The following PCDHGB5 variants were observed in gnomAD, a reference collection of about 807,000 sequenced individuals.
The protein encoded by PCDHGB5 is protocadherin gamma-B5.
PCDHGB5 carries 48 observed loss-of-function variants against 62.9 expected under a neutral mutation model. The ratio of observed to expected loss-of-function variants is 0.76; its 90% CI spans 0.61 to 0.97. The LOEUF is 0.97. Among genes scored for constraint, PCDHGB5 ranks in the 50% least tolerant of loss-of-function variants. The pLI, the probability that PCDHGB5 is intolerant of heterozygous loss-of-function variation, is 0.00. For synonymous variants in PCDHGB5, 474 were observed against 511.2 expected, an observed-to-expected ratio of 0.93 and a Z score of 0.98; for missense variants, 1,118 against 1,198.6, an observed-to-expected ratio of 0.93 and a Z score of 0.99.
chr5:141,402,918 A>C (rs766546022), intron 1 of PCDHGB5: 55 of 1,569,938 alleles, frequency 3.5e-5, no homozygotes, highest in Non-Finnish European at 4.7e-5. Flanking sequence ...GCGCGCACAG[A>C]GATCCTTTTG....
intron 1 of PCDHGB5, chr5:141,441,728 G>T: frequency 2.8e-6 from 1 of 361,966 alleles, no homozygotes. Flanking sequence ...CCCGCGACCA[G>T]GACTAGCTCG....
intron 1 of PCDHGB5, among the ~76,000 whole-genome samples, chr5:141,483,644 G>A (rs2099584188): frequency 6.8e-6 from 1 of 146,522 alleles, no homozygotes; most frequent in African/African-American, 2.7e-5. Context: ...AGAGGGGTGT[G>A]TGTTTGTGTG....
At position 141,398,691 on chromosome 5, in the gene PCDHGB5, T is replaced by C; in HGVS notation, c.564T>C (p.Gly188=). The change falls in exon 1 of 4, where the codon GGT becomes GGC. Residue 188 remains glycine (G), a synonymous_variant. Coordinates refer to ENST00000617380, the MANE Select transcript of PCDHGB5 (RefSeq NM_018925.3). ...TAATAATTAAGGAGAAACAGGATGGTAGTAAATACCCGGAACTGGCACTGG... is the reference window on the plus strand; with the variant it reads ...TAATAATTAAGGAGAAACAGGATGGCAGTAAATACCCGGAACTGGCACTGG... The part of the protein sequence containing the change: ...FSLIIKEKQD[G]SKYPELALEK... 6.2e-7 allele frequency: 1 copy of C among 1,613,876 alleles called. No individual in the cohort carries two copies. The highest frequency in any genetic ancestry group is 8.5e-7 in the Non-Finnish European group (1 of 1,179,886).
At position 141,403,830 on chromosome 5, in the gene PCDHGB5, A is replaced by G. The variant is rs763794433; in HGVS notation, c.2397+3306A>G. On this transcript the variant is annotated intron_variant, in intron 1 of 3. Coordinates refer to ENST00000617380, the MANE Select transcript of PCDHGB5 (RefSeq NM_018925.3). ...AATGAAAAACAATCTCTGCTATTCC[A>G]GCTTAATGAAAATACTGGGGAAATA... The G allele has an allele frequency of 3.7e-6, 6 of 1,613,754 alleles. No individual in the cohort carries two copies. In the Admixed American group the frequency reaches 5.0e-5, roughly 13 times the overall value.
At chr5:141,403,236 T>G in intron 1 of PCDHGB5, 1 of 1,613,908 alleles carries the variant, frequency 6.2e-7, no homozygotes, top group South Asian at 1.1e-5. Flanking sequence ...CGGGAGGAGC[T>G]CTGTGCTCAG....
At chr5:141,420,651 T>A (rs1357679146) in intron 1 of PCDHGB5, among the ~76,000 whole-genome samples, 1 of 152,274 alleles carries the variant, frequency 6.6e-6, no homozygotes, top group East Asian at 1.9e-4. Flanking sequence ...GTAAGAATTA[T>A]AGTTAGGCAT....
chr5:141,475,616 G>A (rs2099366026), intron 1 of PCDHGB5, among the ~76,000 whole-genome samples: 1 of 152,206 alleles, frequency 6.6e-6, no homozygotes, highest in Admixed American at 6.5e-5. Flanking sequence ...GTAGTTTTCG[G>A]TTTGGTTCGA....
Position 141,491,906 on chromosome 5 carries a change from T to A in PCDHGB5, c.2398-2901T>A, listed in dbSNP as rs1490050332. On this transcript the variant is annotated intron_variant, in intron 1 of 3. Transcript: ENST00000617380. The surrounding 1 kb of genome is among the most constrained non-coding windows in gnomAD (Gnocchi z 6.9). ...ATGGGGCTCCGAGCACCGGGGGTGG[T>A]GGCGACTGTGGGCGAGGGGAGGTGG... is the stretch of plus-strand genomic sequence containing the variant. 7.1e-7 allele frequency: 1 copy of A among 1,414,468 alleles called. No individual in the cohort carries two copies. Among genetic ancestry groups the A allele is most frequent in the African/African-American group, 1.4e-5 (1 of 69,002 alleles). 87.6% of individuals were successfully genotyped at this position (1,414,468 alleles called of 1,614,324 possible).
chr5:141,466,068 G>C (rs1278308918), intron 1 of PCDHGB5, among the ~76,000 whole-genome samples: 4 of 152,080 alleles, frequency 2.6e-5, no homozygotes, highest in Admixed American at 2.6e-4. Flanking sequence ...CTTGCAGTGA[G>C]CTGATATCAT....
intron 1 of PCDHGB5, among the ~76,000 whole-genome samples, chr5:141,402,432 TA>T (rs1325787840): frequency 6.6e-6 from 1 of 152,042 alleles, no homozygotes; most frequent in Non-Finnish European, 1.5e-5. Flanking sequence ...TGAAGCATCA[TA>T]AAAAGGAAAT....
chr5:141,467,295 C>T (rs2099141170), intron 1 of PCDHGB5, among the ~76,000 whole-genome samples: 1 of 152,114 alleles, frequency 6.6e-6, no homozygotes, highest in South Asian at 2.1e-4. Flanking sequence ...TCAAGTGATC[C>T]ACTCACCTCG....
chr5:141,399,407 C>T lies in PCDHGB5; in HGVS notation c.1280C>T (p.Pro427Leu), dbSNP rs1168752842. 3.1e-6 allele frequency: 5 copies of T among 1,613,914 alleles called. No individual in the cohort carries two copies. Among genetic ancestry groups the T allele is most frequent in the Non-Finnish European group, 4.2e-6 (5 of 1,179,898 alleles). Residue 427 changes from proline (P) to leucine (L), a missense_variant, in exon 1 of 4, where the codon CCC (proline) becomes CTC (leucine). Coordinates refer to ENST00000617380, the MANE Select transcript of PCDHGB5 (RefSeq NM_018925.3). ...TITATDRGKP[P>L]LSSSISVILH... The stretch of plus-strand genomic sequence containing the variant: ...ACAGCCACAGACAGGGGCAAGCCGC[C>T]CCTCTCCTCCAGCATAAGCGTCATC...
chr5:141,410,549 G>T, intron 1 of PCDHGB5: 1 of 1,613,438 alleles, frequency 6.2e-7, no homozygotes, highest in East Asian at 2.2e-5. Context: ...GGTTTGCAGT[G>T]TTTCTCCTGG....
At chr5:141,403,261 G>A in intron 1 of PCDHGB5, 1 of 1,613,852 alleles carries the variant, frequency 6.2e-7, no homozygotes, top group East Asian at 2.2e-5. Flanking sequence ...CGCGGTGTCT[G>A]GTGAACTTTA....
In PCDHGB5 at chr5:141,415,757, T is replaced by G. The variant is rs765276447; in HGVS notation, c.2397+15233T>G. The G allele has an allele frequency of 5.6e-3, 7,497 of 1,346,942 alleles. 12 individuals are homozygous for G. The highest frequency in any genetic ancestry group is 0.012 in the East Asian group (422 of 35,004). The allele number at this position is 1,346,942 out of a possible 1,614,324, so 83.4% of individuals were successfully genotyped here. A position where few individuals can be genotyped will look rare whatever the true frequency, so the allele number is the denominator to read the frequency against. ...TTATTAAGGTTTTTTTTTTTTTTTT[T>G]TTTTTTTTTTTTTTTACTTTCTGGT... On this transcript the variant is annotated intron_variant, in intron 1 of 3. Coordinates refer to ENST00000617380, the MANE Select transcript of PCDHGB5 (RefSeq NM_018925.3).
intron 1 of PCDHGB5, chr5:141,412,990 C>T: frequency 1.8e-6 from 1 of 569,958 alleles, no homozygotes. Flanking sequence ...AGAGCTCAAT[C>T]CGGATTCTCA....
chr5:141,417,232 G>C (rs997894028), intron 1 of PCDHGB5: 5 of 152,072 alleles, frequency 3.3e-5, no homozygotes, highest in Non-Finnish European at 7.4e-5. Flanking sequence ...AAAATTTGTT[G>C]CTTATCTTCA....
At chr5:141,420,086 TAC>T (rs1396904191) in intron 1 of PCDHGB5, 2 of 1,614,002 alleles carry the variant, frequency 1.2e-6, no homozygotes, top group Non-Finnish European at 1.7e-6. Context: ...TCCCCCCAAC[TAC>T]AGTGAGGGAA....
rs764692908 is a variant in PCDHGB5 at position 141,431,246 on chromosome 5, G to C, written c.2397+30722G>C. On this transcript the variant is annotated intron_variant, in intron 1 of 3. Coordinates refer to ENST00000617380, the MANE Select transcript of PCDHGB5 (RefSeq NM_018925.3). The surrounding 1 kb of genome is among the most constrained non-coding windows in gnomAD (Gnocchi z 4.8). ...ACCCCACGCCTGGGATCCGGATATC[G>C]GGAAGAACTCTCTGCAGAGCTACGA... 9 of 1,613,982 alleles carry C rather than the reference G, an allele frequency of 5.6e-6. No individual in the cohort carries two copies. Among genetic ancestry groups the C allele is most frequent in the Non-Finnish European group, 7.6e-6 (9 of 1,180,050 alleles).
Sources: allele counts gnomAD v4.1 joint callset (sites outside exome capture counted in the v4.1 genomes callset), GRCh38; gene constraint gnomAD v4.1.1; non-coding constraint Gnocchi (gnomAD v3.1); transcripts MANE v1.5; gene names NCBI Gene and HGNC (gene_info 2026-07-23, HGNC 2026-07-21).